TSNARE1: variants seen among roughly 807,000 people sequenced by gnomAD.
TSNARE1 encodes the protein t-SNARE domain-containing protein 1.
Under a neutral mutation model 62.0 loss-of-function variants are expected in TSNARE1, and 49 were observed. That is an observed-to-expected ratio of 0.79 (90% CI 0.63 to 1.00). The LOEUF (loss-of-function observed/expected upper bound fraction) is 1.00. Among genes scored for constraint, TSNARE1 ranks in the 50% least tolerant of loss-of-function variants. The pLI is 0.00. For synonymous variants in TSNARE1, 328 were observed against 294.4 expected, an observed-to-expected ratio of 1.11 and a Z score of -1.17; for missense variants, 755 against 700.1, an observed-to-expected ratio of 1.08 and a Z score of -0.88.
intron 7 of TSNARE1, among the ~76,000 whole-genome samples, chr8:142,315,351 G>A (rs1290222626): frequency 6.6e-6 from 1 of 152,156 alleles, no homozygotes; most frequent in Non-Finnish European, 1.5e-5. Flanking sequence ...CATAAACCCG[G>A]CCCCACACCA....
rs536352452 is a variant in TSNARE1 at position 142,277,711 on chromosome 8, C to T, written c.1364-2848G>A. 19 of 985,446 alleles carry T rather than the reference C, an allele frequency of 1.9e-5. No individual in the cohort carries two copies. In the African/African-American group the frequency reaches 3.3e-4, roughly 17 times the overall value. 61.0% of individuals were successfully genotyped at this position (985,446 alleles called of 1,614,324 possible). On this transcript the variant is annotated intron_variant, in intron 11 of 13. Transcript: ENST00000524325. ...CTCACAGGCACCAAAGACTCCCGTG[C>T]TGCAGGGGAGCCCAGCGGCCTGGGG...
Position 142,284,419 on chromosome 8 carries a change from C to G in TSNARE1, c.1357G>C (p.Ala453Pro), listed in dbSNP as rs1239513502. The change falls in exon 11 of 14, where the codon GCT (alanine) becomes CCT (proline). Residue 453 changes from alanine (A) to proline (P), a missense_variant. Transcript: ENST00000524325. ...LASMVSEQGE[A>P]VDSIEASLEA... Reference sequence around the variant, plus strand: ...GGCTGGGGCGGGTACCCACCAACAGCTTCTCCTTGCTCTGACACCATGGAG... The same window carrying G: ...GGCTGGGGCGGGTACCCACCAACAGGTTCTCCTTGCTCTGACACCATGGAG... 1 of 1,613,224 alleles carries G rather than the reference C, an allele frequency of 6.2e-7. No individual in the cohort carries two copies. Among genetic ancestry groups the G allele is most frequent in the Non-Finnish European group, 8.5e-7 (1 of 1,179,870 alleles).
At chr8:142,268,675 C>T (rs1819270126) in intron 12 of TSNARE1, among the ~76,000 whole-genome samples, 1 of 152,210 alleles carries the variant, frequency 6.6e-6, no homozygotes, top group Non-Finnish European at 1.5e-5. Context: ...TGACTAACTC[C>T]CAGTCAGTGG....
intron 9 of TSNARE1, among the ~76,000 whole-genome samples, chr8:142,307,815 G>C (rs142309534): frequency 6.6e-6 from 1 of 152,268 alleles, no homozygotes; most frequent in Non-Finnish European, 1.5e-5. Flanking sequence ...CCAAAGTGGT[G>C]ATGCAAAGGC....
rs117247571 is a variant in TSNARE1, at chr8:142,314,989, C to G, written c.1074+14G>C. On this transcript the variant is annotated intron_variant, in intron 8 of 13. Coordinates refer to ENST00000524325, the MANE Select transcript of TSNARE1 (RefSeq NM_145003.5). ...CTGGCCTGCAGACCCCCACTGCCCC[C>G]ACCAGCACCTCACCTTCTGCACCAC... 42,198 of 1,613,940 alleles carry G rather than the reference C, an allele frequency of 0.026. 716 individuals are homozygous for G. The highest frequency in any genetic ancestry group is 0.079 in the Middle Eastern group (481 of 6,056).
Position 142,300,584 on chromosome 8 carries a change from T to C in TSNARE1, c.1192A>G (p.Asn398Asp), listed in dbSNP as rs762404663. The C allele has an allele frequency of 3.7e-6, 6 of 1,613,620 alleles. No homozygotes were observed. The highest frequency in any genetic ancestry group is 5.1e-6 in the Non-Finnish European group (6 of 1,179,998). Reference sequence around the variant, plus strand: ...GCCTGCTCCTGGCCCTGCCACATGTTGTCACTCCCGTTAAAGACCTTCTCA... The same window carrying C: ...GCCTGCTCCTGGCCCTGCCACATGTCGTCACTCCCGTTAAAGACCTTCTCA... ...DDEKVFNGSD[N>D]MWQGQEQALL... Residue 398 changes from asparagine to aspartate, a missense_variant, in exon 10 of 14, where the codon AAC becomes GAC. Transcript: ENST00000524325.
chr8:142,333,689 G>A (rs1046381616), intron 4 of TSNARE1, among the ~76,000 whole-genome samples: 6 of 152,200 alleles, frequency 3.9e-5, no homozygotes, highest in African/African-American at 1.4e-4. Flanking sequence ...ACACAGGCCT[G>A]TCCACGTATG....
At chr8:142,270,336 C>A in intron 12 of TSNARE1, 1 of 985,464 alleles carries the variant, frequency 1.0e-6, no homozygotes, top group African/African-American at 1.7e-5. Context: ...GCCCGAGAAG[C>A]AGGCTCCAAC....
At chr8:142,346,659 G>A (rs1005307129) in intron 2 of TSNARE1, among the ~76,000 whole-genome samples, 5 of 152,250 alleles carry the variant, frequency 3.3e-5, no homozygotes, top group African/African-American at 9.6e-5. Context: ...TTCTTCCCGG[G>A]ACGTGTCCTG....
At chr8:142,267,977 G>T (rs1315745974) in intron 12 of TSNARE1, among the ~76,000 whole-genome samples, 1 of 152,224 alleles carries the variant, frequency 6.6e-6, no homozygotes, top group African/African-American at 2.4e-5. Context: ...GTGAAGCCAA[G>T]ACCACAGTCT....
chr8:142,237,072 C>T (rs370857579), intron 12 of TSNARE1, among the ~76,000 whole-genome samples: 2,955 of 5,738 alleles, frequency 0.51, 102 homozygotes, highest in African/African-American at 0.52. Flanking sequence ...GGTTCCAGAA[C>T]GGCGGGGTGG....
chr8:142,296,302 GGTGACTGTCATGGGGGAGGGGGT>G (rs1824718479), intron 10 of TSNARE1, among the ~76,000 whole-genome samples: 1 of 64,718 alleles, frequency 1.5e-5, no homozygotes, highest in African/African-American at 7.2e-5. Context: ...GGGAGGGGGT[GGTGACTGTCATGGGGGAGGGGGT>G]GGTGACTGTC....
intron 11 of TSNARE1, among the ~76,000 whole-genome samples, chr8:142,283,591 C>G (rs1282603559): frequency 7.8e-6 from 1 of 127,550 alleles, no homozygotes; most frequent in Admixed American, 7.9e-5. Flanking sequence ...TGAGCAGAGG[C>G]GGGGTTAGTG....
At chr8:142,373,055 G>T (rs543974192) in intron 1 of TSNARE1, among the ~76,000 whole-genome samples, 1 of 152,138 alleles carries the variant, frequency 6.6e-6, no homozygotes, top group South Asian at 2.1e-4. Context: ...GGCCTCCCCC[G>T]TCACCTGTCT....
At chr8:142,403,401 G>A (rs1176942317), upstream of TSNARE1, among the ~76,000 whole-genome samples, 1 of 152,010 alleles carries the variant, frequency 6.6e-6, no homozygotes, top group African/African-American at 2.4e-5. Context: ...CCGTTTCCCC[G>A]TTTTGCATAT....
chr8:142,398,896 C>T (rs529343582), intron 1 of TSNARE1, among the ~76,000 whole-genome samples: 3 of 152,152 alleles, frequency 2.0e-5, no homozygotes, highest in South Asian at 2.1e-4. Flanking sequence ...CAGCACAGTC[C>T]GGATTTGAAG....
intron 2 of TSNARE1, among the ~76,000 whole-genome samples, chr8:142,350,902 G>A (rs770161050): frequency 6.6e-5 from 10 of 152,200 alleles, no homozygotes; most frequent in Non-Finnish European, 1.3e-4. Flanking sequence ...GCTGTAACAC[G>A]GGATCTCGGG....
At chr8:142,400,026 G>C (rs1259547499) in intron 1 of TSNARE1, among the ~76,000 whole-genome samples, 1 of 151,370 alleles carries the variant, frequency 6.6e-6, no homozygotes, top group Non-Finnish European at 1.5e-5. Flanking sequence ...AACACAGTGA[G>C]ACACGCCTAT....
At chr8:142,274,511 C>T in intron 12 of TSNARE1, 1 of 985,472 alleles carries the variant, frequency 1.0e-6, no homozygotes, top group Non-Finnish European at 1.2e-6. Context: ...TCGGCTGCAC[C>T]CCGGATCCAT....
Sources: allele counts gnomAD v4.1 joint callset (sites outside exome capture counted in the v4.1 genomes callset), GRCh38; gene constraint gnomAD v4.1.1; transcripts MANE v1.5; gene names NCBI Gene and HGNC (gene_info 2026-07-23, HGNC 2026-07-21).